GALNTL6: variants seen among roughly 807,000 people sequenced by gnomAD.
GALNTL6 encodes the protein polypeptide N-acetylgalactosaminyltransferase-like 6.
GALNTL6 carries 46 observed loss-of-function variants against 73.7 expected under a neutral mutation model. The observed-to-expected ratio is 0.62, with a 90% CI of 0.49 to 0.80. The LOEUF (loss-of-function observed/expected upper bound fraction) is 0.80. GALNTL6 is among the 30% of genes least tolerant of loss of function. The probability of loss-of-function intolerance (pLI) is 0.00; values close to 1 mark genes in which losing one functional copy is unlikely to be tolerated. For missense variants in GALNTL6, 604 were observed against 755.0 expected (o/e 0.80, Z 2.34); for synonymous variants, 259 against 263.7 (o/e 0.98, Z 0.17).
intron 10 of GALNTL6, among the ~76,000 whole-genome samples, chr4:172,997,540 A>C (rs1751849585): frequency 6.6e-6 from 1 of 152,154 alleles, no homozygotes; most frequent in African/African-American, 2.4e-5. Flanking sequence ...GCTTATTTAT[A>C]TGAATTTCTC....
intron 10 of GALNTL6, among the ~76,000 whole-genome samples, chr4:172,963,233 C>T (rs952732956): frequency 4.6e-5 from 7 of 152,210 alleles, no homozygotes; most frequent in African/African-American, 9.6e-5. Context: ...ATATGGCTCC[C>T]GCCCTTACTT....
chr4:171,837,115 G>T (rs959957701), intron 2 of GALNTL6, among the ~76,000 whole-genome samples: 1 of 152,124 alleles, frequency 6.6e-6, no homozygotes, highest in Non-Finnish European at 1.5e-5. Flanking sequence ...TTGAAATTGT[G>T]AGCCAGCTGA....
At position 172,384,356 on chromosome 4, in the gene GALNTL6, G is replaced by A. The variant is rs139546157; in HGVS notation, c.553+35667G>A. Among the ~76,000 whole-genome samples, 693 of 152,000 alleles carry A rather than the reference G, an allele frequency of 4.6e-3. 7 individuals carry two copies. Among genetic ancestry groups the A allele is most frequent in the African/African-American group, 0.015 (633 of 41,484 alleles). On this transcript the variant is annotated intron_variant, in intron 5 of 12. Transcript: ENST00000506823. Reference sequence around the variant, plus strand: ...TAGTTTGTGTTGTATCTAAAAATTTGTCCTTTTAATCTAGGTTATCTAATT... The same window carrying A: ...TAGTTTGTGTTGTATCTAAAAATTTATCCTTTTAATCTAGGTTATCTAATT...
At chr4:172,664,723 A>G (rs1242788241) in intron 5 of GALNTL6, among the ~76,000 whole-genome samples, 8 of 152,142 alleles carry the variant, frequency 5.3e-5, no homozygotes, top group African/African-American at 9.7e-5. Context: ...AAATCCTCCA[A>G]ACTAGACTCT....
At chr4:172,814,260 T>C (rs1466999399) in intron 7 of GALNTL6, among the ~76,000 whole-genome samples, 26 of 152,210 alleles carry the variant, frequency 1.7e-4, no homozygotes. Flanking sequence ...CAATTATCTT[T>C]GATAATCCTG....
At chr4:172,209,317 C>T (rs56961530) in intron 2 of GALNTL6, among the ~76,000 whole-genome samples, 8 of 151,914 alleles carry the variant, frequency 5.3e-5, no homozygotes, top group African/African-American at 1.4e-4. Context: ...ATGGTCACTG[C>T]GAGATTGATA....
At position 172,588,665 on chromosome 4, in the gene GALNTL6, G is replaced by A. The variant is rs74943515; in HGVS notation, c.554-220696G>A. The stretch of plus-strand genomic sequence containing the variant: ...ATCTTTGTAAATGATCTTCTCAGAG[G>A]TCACTTTAGAAAGCAACATGGTAAG... On this transcript the variant is annotated intron_variant, in intron 5 of 12. Transcript: ENST00000506823. Among the ~76,000 whole-genome samples the A allele has an allele frequency of 5.6e-3, 859 of 152,230 alleles. 8 individuals carry two copies. The highest frequency in any genetic ancestry group is 0.019 in the African/African-American group (804 of 41,528).
chr4:172,603,921 G>C (rs1738164166), intron 5 of GALNTL6, among the ~76,000 whole-genome samples: 1 of 152,162 alleles, frequency 6.6e-6, no homozygotes, highest in African/African-American at 2.4e-5. Flanking sequence ...TAGTTTTTCT[G>C]TGTTCCACAG....
intron 2 of GALNTL6, among the ~76,000 whole-genome samples, chr4:171,872,840 T>G (rs1736175229): frequency 1.3e-5 from 2 of 152,190 alleles, no homozygotes; most frequent in African/African-American, 4.8e-5. Context: ...TCTGAGGTAC[T>G]GGATGTTAGG....
intron 2 of GALNTL6, 97 bp downstream of exon 2, chr4:171,814,815 T>C (rs1338448119): frequency 7.9e-7 from 1 of 1,258,938 alleles, no homozygotes; most frequent in African/African-American, 1.5e-5. Flanking sequence ...CCTTGGGTTT[T>C]CCCCCAAGTC....
chr4:172,206,528 A>G (rs907761278), intron 2 of GALNTL6, among the ~76,000 whole-genome samples: 1 of 152,154 alleles, frequency 6.6e-6, no homozygotes, highest in Non-Finnish European at 1.5e-5. Context: ...TCAGATAATG[A>G]TAAGTGATAC....
In GALNTL6 at chr4:172,306,933, A is replaced by G. The variant is rs1170939863; in HGVS notation, c.248-4681A>G. On this transcript the variant is annotated intron_variant, in intron 3 of 12. Coordinates refer to ENST00000506823, the MANE Select transcript of GALNTL6 (RefSeq NM_001034845.3). ...GTGCTGTTATAAACATGCATATGTAAGTGTCTTTTTCTTATGATGACTTCT... is the reference window on the plus strand; with the variant it reads ...GTGCTGTTATAAACATGCATATGTAGGTGTCTTTTTCTTATGATGACTTCT... 2.6e-5 allele frequency among the ~76,000 whole-genome samples: 4 copies of G among 152,170 alleles called. No individual in the cohort carries two copies. In the East Asian group the frequency reaches 7.7e-4, roughly 29 times the overall value.
chr4:172,039,122 AT>A (rs1159060450), intron 2 of GALNTL6, among the ~76,000 whole-genome samples: 5 of 152,102 alleles, frequency 3.3e-5, no homozygotes, highest in African/African-American at 1.2e-4. Context: ...ATTTCAACTA[AT>A]TTTGCATAAT....
At chr4:172,720,286 A>G (rs2111353881) in intron 5 of GALNTL6, among the ~76,000 whole-genome samples, 1 of 152,244 alleles carries the variant, frequency 6.6e-6, no homozygotes. Flanking sequence ...TTATTGAGTG[A>G]AAAGGGAATA....
At chr4:172,969,255 G>A (rs1750464487) in intron 10 of GALNTL6, among the ~76,000 whole-genome samples, 1 of 152,190 alleles carries the variant, frequency 6.6e-6, no homozygotes, top group East Asian at 1.9e-4. Context: ...GGAAGGCACA[G>A]TAAGAGAAAC....
intron 7 of GALNTL6, among the ~76,000 whole-genome samples, chr4:172,842,207 T>A (rs115846938): frequency 1.3e-5 from 2 of 152,338 alleles, no homozygotes; most frequent in African/African-American, 4.8e-5. Context: ...ATGAACTATA[T>A]ACTTAACCTA....
At chr4:172,050,796 G>T (rs1454264088) in intron 2 of GALNTL6, among the ~76,000 whole-genome samples, 1 of 152,084 alleles carries the variant, frequency 6.6e-6, no homozygotes, top group Non-Finnish European at 1.5e-5. Flanking sequence ...TTCTATGTTT[G>T]GGTGGGCCTA....
In GALNTL6 at chr4:172,564,405, A is replaced by G. The variant is rs546105757; in HGVS notation, c.553+215716A>G. On this transcript the variant is annotated intron_variant, in intron 5 of 12. Transcript: ENST00000506823. ...TATGTGTGACTAGTTGAAAAGGAAC[A>G]AATGTAAATGATTACACTCAAAATA... 7.9e-5 allele frequency among the ~76,000 whole-genome samples: 12 copies of G among 152,356 alleles called. No homozygotes were observed. The East Asian group carries it at 2.1e-3, about 27-fold the overall frequency.
intron 5 of GALNTL6, among the ~76,000 whole-genome samples, chr4:172,652,686 T>C (rs1740531816): frequency 6.6e-6 from 1 of 152,212 alleles, no homozygotes; most frequent in Admixed American, 6.5e-5. Flanking sequence ...CATCTTTCCT[T>C]ATAATCTGGG....
Sources: gnomAD v4.1 joint callset for allele counts (sites outside exome capture counted in the v4.1 genomes callset) on GRCh38, gnomAD v4.1.1 for gene constraint, MANE v1.5 for transcripts, NCBI Gene and HGNC (gene_info 2026-07-23, HGNC 2026-07-21) for gene names.